The following TMEM45A variants were observed in gnomAD, a reference collection of about 807,000 sequenced individuals.
TMEM45A encodes transmembrane protein 45A.
Under a neutral mutation model 32.0 loss-of-function variants are expected in TMEM45A, and 25 were observed. That is an observed-to-expected ratio of 0.78 (90% CI 0.57 to 1.09). The LOEUF is 1.09. TMEM45A is among the 50% of genes least tolerant of loss of function. The pLI is 0.00. For missense variants in TMEM45A, 302 were observed against 325.0 expected, an observed-to-expected ratio of 0.93 and a Z score of 0.54; for synonymous variants, 122 against 114.8, an observed-to-expected ratio of 1.06 and a Z score of -0.40.
chr3:100,569,972 T>C (rs1298188886), intron 5 of TMEM45A, among the ~76,000 whole-genome samples: 2 of 152,176 alleles, frequency 1.3e-5, no homozygotes, highest in African/African-American at 4.8e-5. Flanking sequence ...TTCCTTTCTC[T>C]AAGGTGGTTA....
chr3:100,507,823 T>C (rs1708098833), intron 1 of TMEM45A, among the ~76,000 whole-genome samples: 1 of 151,960 alleles, frequency 6.6e-6, no homozygotes, highest in African/African-American at 2.4e-5. Flanking sequence ...TTCTGCCCTC[T>C]CTATGTTTTC....
chr3:100,525,091 G>A (rs1056290223), intron 1 of TMEM45A, among the ~76,000 whole-genome samples: 6 of 152,038 alleles, frequency 3.9e-5, no homozygotes, highest in African/African-American at 1.4e-4. Context: ...GGGAGACTGA[G>A]GCAGGAGGAT....
chr3:100,535,074 A>C (rs1004094768), intron 1 of TMEM45A, among the ~76,000 whole-genome samples: 3 of 151,762 alleles, frequency 2.0e-5, no homozygotes, highest in African/African-American at 7.3e-5. Flanking sequence ...TTTGTGTGTT[A>C]ACTTGTCACA....
chr3:100,543,743 G>A (rs1056484825), intron 1 of TMEM45A, among the ~76,000 whole-genome samples: 4 of 151,934 alleles, frequency 2.6e-5, no homozygotes, highest in African/African-American at 7.3e-5. Flanking sequence ...CTCATCCTTT[G>A]TCATTTATGT....
intron 1 of TMEM45A, among the ~76,000 whole-genome samples, chr3:100,522,244 T>G (rs1559639306): frequency 2.0e-5 from 3 of 152,172 alleles, no homozygotes; most frequent in Non-Finnish European, 2.9e-5. Context: ...GGCAGTGGTT[T>G]GGGGGGCTGA....
intron 1 of TMEM45A, among the ~76,000 whole-genome samples, chr3:100,521,707 G>T (rs1437158312): frequency 1.3e-5 from 2 of 152,158 alleles, no homozygotes; most frequent in Admixed American, 1.3e-4. Flanking sequence ...TGCCCACTGA[G>T]GATCTAGAGA....
At chr3:100,560,230 G>A (rs1253329697) in intron 4 of TMEM45A, among the ~76,000 whole-genome samples, 1 of 148,306 alleles carries the variant, frequency 6.7e-6, no homozygotes, top group Non-Finnish European at 1.5e-5. Flanking sequence ...TTGCTTTGTT[G>A]TAAGGCTGTT....
At chr3:100,540,048 GA>G (rs1175968452) in intron 1 of TMEM45A, among the ~76,000 whole-genome samples, 1 of 151,986 alleles carries the variant, frequency 6.6e-6, no homozygotes, top group African/African-American at 2.4e-5. Context: ...CTTGGGTGTG[GA>G]AAAGGGTTTT....
chr3:100,557,052 G>A, intron 3 of TMEM45A, 80 bp downstream of exon 3: 2 of 1,423,000 alleles, frequency 1.4e-6, no homozygotes, highest in Non-Finnish European at 2.0e-6. Flanking sequence ...TATACCTCTG[G>A]CATCTTGTTG....
chr3:100,541,566 G>T (rs1576280093), intron 1 of TMEM45A, among the ~76,000 whole-genome samples: 1 of 115,920 alleles, frequency 8.6e-6, no homozygotes, highest in South Asian at 2.8e-4. Context: ...TCTCACTCCT[G>T]TCACCCAGGC....
intron 1 of TMEM45A, among the ~76,000 whole-genome samples, chr3:100,504,150 A>G (rs1708047292): frequency 6.6e-6 from 1 of 151,046 alleles, no homozygotes; most frequent in Non-Finnish European, 1.5e-5. Flanking sequence ...AGTGTCCAGC[A>G]CCCTTTCCCT....
chr3:100,494,857 A>G (rs1707899857), intron 1 of TMEM45A, among the ~76,000 whole-genome samples: 1 of 152,132 alleles, frequency 6.6e-6, no homozygotes, highest in African/African-American at 2.4e-5. Flanking sequence ...CCTCTGTAAC[A>G]TGGAGAGTTT....
chr3:100,570,063 T>C (rs1341285197), intron 5 of TMEM45A, among the ~76,000 whole-genome samples: 2 of 152,244 alleles, frequency 1.3e-5, no homozygotes, highest in Non-Finnish European at 2.9e-5. Context: ...ACTTCAGTGC[T>C]GATTGAAATG....
At chr3:100,497,051 C>CATCT (rs1428053798) in intron 1 of TMEM45A, among the ~76,000 whole-genome samples, 1 of 152,162 alleles carries the variant, frequency 6.6e-6, no homozygotes, top group East Asian at 1.9e-4. Flanking sequence ...CTGGATTTGG[C>CATCT]ATCTATCTTT....
At chr3:100,536,465 AG>A (rs1263476909) in intron 1 of TMEM45A, among the ~76,000 whole-genome samples, 1 of 152,256 alleles carries the variant, frequency 6.6e-6, no homozygotes, top group Non-Finnish European at 1.5e-5. Context: ...ATGAGAACAA[AG>A]ACCTTGTCTA....
chr3:100,514,083 A>G (rs1313387591), intron 1 of TMEM45A, among the ~76,000 whole-genome samples: 1 of 152,256 alleles, frequency 6.6e-6, no homozygotes, highest in African/African-American at 2.4e-5. Context: ...TGCCATCCCT[A>G]TCAAGCTACC....
At chr3:100,512,904 A>C (rs996201464) in intron 1 of TMEM45A, among the ~76,000 whole-genome samples, 1 of 151,904 alleles carries the variant, frequency 6.6e-6, no homozygotes, top group African/African-American at 2.4e-5. Context: ...GGACACATAC[A>C]CTCTCCCAAG....
rs755848570 is a variant in TMEM45A, at chr3:100,492,755, T to TCCCCCCCCCCCCCCCCC, written c.-175_-174insCCCCCCCCCCCCCCCCC. 2.1e-5 allele frequency: 3 copies of TCCCCCCCCCCCCCCCCC among 143,526 alleles called. No individual in the cohort carries two copies. Among genetic ancestry groups the TCCCCCCCCCCCCCCCCC allele is most frequent in the Non-Finnish European group, 3.0e-5 (2 of 65,992 alleles). The allele number at this position is 143,526 out of a possible 1,614,324, so 8.9% of individuals were successfully genotyped here. On this transcript the variant is annotated 5_prime_UTR_variant, in exon 1 of 6. Transcript: ENST00000323523. ...CGACTAGGGACCCAAGTTTAAAAAT[T>TCCCCCCCCCCCCCCCCC]CCTCCCCCCACCCAATGCGAGACGT...
chr3:100,518,776 C>T (rs578146756), intron 1 of TMEM45A, among the ~76,000 whole-genome samples: 11 of 152,226 alleles, frequency 7.2e-5, no homozygotes, highest in Admixed American at 2.6e-4. Context: ...ATGAGATGGT[C>T]GGCTTAGGTT....
Sources: gnomAD v4.1 joint callset for allele counts (sites outside exome capture counted in the v4.1 genomes callset) on GRCh38, gnomAD v4.1.1 for gene constraint, MANE v1.5 for transcripts, NCBI Gene and HGNC (gene_info 2026-07-23, HGNC 2026-07-21) for gene names.